GRN: variants seen among roughly 807,000 people sequenced by gnomAD.
GRN encodes progranulin.
GRN carries 30 observed loss-of-function variants against 66.7 expected under a neutral mutation model. The observed-to-expected ratio is 0.45, with a 90% CI of 0.34 to 0.61. The LOEUF is 0.61. Among genes scored for constraint, GRN ranks in the 20% least tolerant of loss-of-function variants. The pLI, the probability that GRN is intolerant of heterozygous loss-of-function variation, is 0.01. For missense variants in GRN, 731 were observed against 803.5 expected (o/e 0.91, Z 1.09); for synonymous variants, 327 against 311.1 (o/e 1.05, Z -0.54).
Position 44,349,058 on chromosome 17 carries a change from TG to T in GRN, c.-7-97del, listed in dbSNP as rs2048346254. 6.7e-6 allele frequency: 9 copies of T among 1,340,222 alleles called. No homozygotes were observed. In the South Asian group the frequency reaches 8.2e-5, roughly 12 times the overall value. The allele number at this position is 1,340,222 out of a possible 1,614,324, so 83.0% of individuals were successfully genotyped here. A position where few individuals can be genotyped will look rare whatever the true frequency, so the allele number is the denominator to read the frequency against. On this transcript the variant is annotated intron_variant, in intron 1 of 12. Coordinates refer to ENST00000053867, the MANE Select transcript of GRN (RefSeq NM_002087.4). ...GGTGTTGAGAAGGCTCAGGCAGTCC[TG>T]GGCCAGGACCTTGGCCTGGGGCTAG...
At chr17:44,350,934 AC>A (rs1168174403) in intron 7 of GRN, 102 bp from the exon 8 acceptor site, 2 of 1,423,960 alleles carry the variant, frequency 1.4e-6, no homozygotes, top group Non-Finnish European at 9.9e-7. Context: ...GGTTCATGCT[AC>A]CCCCTAGTGG....
At position 44,352,947 on chromosome 17, in the gene GRN, G is replaced by C. The variant is rs1304460337; in HGVS notation, c.*149G>C. On this transcript the variant is annotated 3_prime_UTR_variant, in exon 13 of 13. Transcript: ENST00000053867. ...CATGGGAGGTGGGGCCTCAATCTAA[G>C]GCCTTCCCTGTCAGAAGGGGGTTGT... 1 of 761,810 alleles carries C rather than the reference G, an allele frequency of 1.3e-6. No individual in the cohort carries two copies. Among genetic ancestry groups the C allele is most frequent in the Non-Finnish European group, 2.2e-6 (1 of 454,132 alleles). 47.2% of individuals were successfully genotyped at this position (761,810 alleles called of 1,614,324 possible). A position where few individuals can be genotyped will look rare whatever the true frequency, so the allele number is the denominator to read the frequency against.
At chr17:44,350,903 C>T in intron 7 of GRN, 103 bp downstream of exon 7, 1 of 1,404,978 alleles carries the variant, frequency 7.1e-7, no homozygotes, top group Non-Finnish European at 1.0e-6. Context: ...TGGCTGCTTG[C>T]TGGGAGCCTG....
In GRN at chr17:44,351,631, C is replaced by G. The variant is rs769849283; in HGVS notation, c.1015C>G (p.Pro339Ala). Reference sequence around the variant, plus strand: ...GCAGAAGGGTACCTGTGAACAGGGGCCCCACCAGGTGCCCTGGATGGAGAA... The same window carrying G: ...GCAGAAGGGTACCTGTGAACAGGGGGCCCACCAGGTGCCCTGGATGGAGAA... ...DTQKGTCEQGPHQVPWMEKAP... is the reference protein window; with the variant it reads ...DTQKGTCEQGAHQVPWMEKAP... The change falls in exon 10 of 13, where the codon CCC becomes GCC. Residue 339 changes from proline to alanine, a missense_variant. Physicochemically the swap from Pro to Ala is conservative, Grantham distance 27. Around this residue, in one of 3 missense-constraint regions of GRN, gnomAD observed 42 missense variants for 76.6 expected, o/e 0.55. Transcript: ENST00000053867. 1 of 1,613,946 alleles carries G rather than the reference C, an allele frequency of 6.2e-7. No individual in the cohort carries two copies. Among genetic ancestry groups the G allele is most frequent in the African/African-American group, 1.3e-5 (1 of 74,900 alleles).
Position 44,349,765 on chromosome 17 carries a change from G to A in GRN, c.349+14G>A, listed in dbSNP as rs1203544116. On this transcript the variant is annotated intron_variant, in intron 4 of 12. Transcript: ENST00000053867. ...TCCAAAGATCAGGTGCAGCTGGGGT[G>A]TGGGTGCAGGGCAGGCAGACGGGCA... 2 of 1,559,668 alleles carry A rather than the reference G, an allele frequency of 1.3e-6. No homozygotes were observed. Among genetic ancestry groups the A allele is most frequent in the African/African-American group, 1.4e-5 (1 of 73,874 alleles).
chr17:44,351,497 T>C (rs1408900370), intron 9 of GRN, 37 bp downstream of exon 9: 4 of 1,613,102 alleles, frequency 2.5e-6, no homozygotes, highest in Non-Finnish European at 3.4e-6. Flanking sequence ...CTGAGCACAG[T>C]GTGGCAGGCA....
At position 44,349,207 on chromosome 17, in the gene GRN, G is replaced by A; in HGVS notation, c.43G>A (p.Val15Met). ...CTGGGTGGCCTTAACAGCAGGGCTG[G>A]TGGCTGGAACGCGGTGCCCAGATGG... ...VSWVALTAGL[V>M]AGTRCPDGQF... is the part of the protein sequence containing the mutation. Residue 15 changes from valine to methionine, a missense_variant, in exon 2 of 13, where the codon GTG becomes ATG. Physicochemically the swap from Val to Met is conservative, Grantham distance 21. Around this residue, in one of 3 missense-constraint regions of GRN, gnomAD observed 370 missense variants for 379.8 expected, o/e 0.97. Transcript: ENST00000053867. 1 of 1,614,114 alleles carries A rather than the reference G, an allele frequency of 6.2e-7. No individual in the cohort carries two copies. Among genetic ancestry groups the A allele is most frequent in the Non-Finnish European group, 8.5e-7 (1 of 1,179,986 alleles).
At chr17:44,351,986 T>A (rs768711217) in intron 10 of GRN, 29 bp from the exon 11 acceptor site, 1 of 1,577,150 alleles carries the variant, frequency 6.3e-7, no homozygotes, top group South Asian at 1.1e-5. Flanking sequence ...AGTGGCTACC[T>A]ACAACGCCCT....
In GRN at chr17:44,351,543, G is replaced by T; in HGVS notation, c.934-7G>T. 6.2e-7 allele frequency: 1 copy of T among 1,614,018 alleles called. No homozygotes were observed. The highest frequency in any genetic ancestry group is 8.5e-7 in the Non-Finnish European group (1 of 1,179,996). ...AGTGCCCACCTGCCCTTCTTCATCT[G>T]CCCTAGGCTGTGTGCTGTGAGGACC... On this transcript the variant is annotated splice_polypyrimidine_tract_variant and splice_region_variant and intron_variant, in intron 9 of 12. Coordinates refer to ENST00000053867, the MANE Select transcript of GRN (RefSeq NM_002087.4).
At position 44,349,923 on chromosome 17, in the gene GRN, G is replaced by A. The variant is rs370341078; in HGVS notation, c.349+172G>A. 2,336 of 647,264 alleles carry A rather than the reference G, an allele frequency of 3.6e-3. 81 individuals are homozygous for A. In the South Asian group the frequency reaches 0.039, roughly 11 times the overall value. The allele number at this position is 647,264 out of a possible 1,614,324, so 40.1% of individuals were successfully genotyped here. On this transcript the variant is annotated intron_variant, in intron 4 of 12. Transcript: ENST00000053867. ...GACAGAGGGGCAGCACTGGGGATAGGAGGGTGCGGGAGAAAGTGCAAGACT... is the reference window on the plus strand; with the variant it reads ...GACAGAGGGGCAGCACTGGGGATAGAAGGGTGCGGGAGAAAGTGCAAGACT...
At chr17:44,348,903 A>G (rs879300924) in intron 1 of GRN, among the ~76,000 whole-genome samples, 1 of 152,256 alleles carries the variant, frequency 6.6e-6, no homozygotes, top group Non-Finnish European at 1.5e-5. Context: ...CTGGGGACTC[A>G]GACCCACACA....
In GRN at chr17:44,350,884, G is replaced by C. The variant is rs1324855850; in HGVS notation, c.708+84G>C. 2.8e-6 allele frequency: 4 copies of C among 1,404,446 alleles called. No individual in the cohort carries two copies. The African/African-American group carries it at 5.6e-5, about 20-fold the overall frequency. 87.0% of individuals were successfully genotyped at this position (1,404,446 alleles called of 1,614,324 possible). On this transcript the variant is annotated intron_variant, in intron 7 of 12. Coordinates refer to ENST00000053867, the MANE Select transcript of GRN (RefSeq NM_002087.4). The stretch of plus-strand genomic sequence containing the variant: ...GCACCTTACAGGGGCTCTGTGGCAT[G>C]GGGCTGGCTGGCTGCTTGCTGGGAG...
chr17:44,349,249 G>A lies in GRN; in HGVS notation c.85G>A (p.Ala29Thr). 6.2e-7 allele frequency: 1 copy of A among 1,613,890 alleles called. No homozygotes were observed. The highest frequency in any genetic ancestry group is 2.2e-5 in the East Asian group (1 of 44,902). The change falls in exon 2 of 13, where the codon GCC becomes ACC. Residue 29 changes from alanine to threonine, a missense_variant. By Grantham distance (58) the Ala-to-Thr change is moderately conservative (BLOSUM62 0). Around this residue, in one of 3 missense-constraint regions of GRN, gnomAD observed 370 missense variants for 379.8 expected, o/e 0.97. Transcript: ENST00000053867. ...CCCAGATGGTCAGTTCTGCCCTGTG[G>A]CCTGCTGCCTGGACCCCGGAGGAGC... ...RCPDGQFCPV[A>T]CCLDPGGASY... is the part of the protein sequence containing the mutation.
chr17:44,350,512 G>T lies in GRN; in HGVS notation c.533G>T (p.Cys178Phe). 1.2e-6 allele frequency: 2 copies of T among 1,614,028 alleles called. No individual in the cohort carries two copies. The highest frequency in any genetic ancestry group is 1.7e-6 in the Non-Finnish European group (2 of 1,179,962). Residue 178 changes from cysteine (C) to phenylalanine (F), a missense_variant, in exon 6 of 13, where the codon TGC becomes TTC. Coordinates refer to ENST00000053867, the MANE Select transcript of GRN (RefSeq NM_002087.4). ...TTCTGCGACCTGGTTCACACCCGCT[G>T]CATCACACCCACGGGCACCCACCCC... Reference protein sequence around the residue: ...GAFCDLVHTRCITPTGTHPLA... With the variant: ...GAFCDLVHTRFITPTGTHPLA...
chr17:44,350,110 G>A, intron 4 of GRN, 118 bp from the exon 5 acceptor site: 3 of 796,396 alleles, frequency 3.8e-6, no homozygotes, highest in Non-Finnish European at 6.8e-6. Context: ...GAGCCTTAGT[G>A]TCACCCTCAA....
rs1022325031 is a variant in GRN, at chr17:44,347,949, G to T, written c.-7-1209G>T. Among the ~76,000 whole-genome samples the T allele has an allele frequency of 5.8e-5, 8 of 138,016 alleles. No individual in the cohort carries two copies. In the Admixed American group the frequency reaches 5.9e-4, roughly 10 times the overall value. The allele number at this position is 138,016 out of a possible 152,430, so 90.5% of individuals were successfully genotyped here. A position where few individuals can be genotyped will look rare whatever the true frequency, so the allele number is the denominator to read the frequency against. On this transcript the variant is annotated intron_variant, in intron 1 of 12. Transcript: ENST00000053867. Reference sequence around the variant, plus strand: ...TCTCAAAAAAAAAAAAAAAAAGGGGGTGAGCAGACGTGGTGGCACGCTCCC... The same window carrying T: ...TCTCAAAAAAAAAAAAAAAAAGGGGTTGAGCAGACGTGGTGGCACGCTCCC...
At position 44,352,101 on chromosome 17, in the gene GRN, C is replaced by A. The variant is rs369538000; in HGVS notation, c.1266C>A (p.Ile422=). The change falls in exon 11 of 13, where the codon ATC becomes ATA. Residue 422 remains isoleucine (I), a synonymous_variant. Transcript: ENST00000053867. ...GGCAGTGTCAGCGAGGAAGCGAGATCGTGGCTGGACTGGAGAAGATGCCTG... is the reference window on the plus strand; with the variant it reads ...GGCAGTGTCAGCGAGGAAGCGAGATAGTGGCTGGACTGGAGAAGATGCCTG... ...AEGQCQRGSE[I]VAGLEKMPAR... The A allele has an allele frequency of 1.9e-6, 3 of 1,613,888 alleles. No individual in the cohort carries two copies. Among genetic ancestry groups the A allele is most frequent in the Admixed American group, 1.7e-5 (1 of 60,018 alleles).
chr17:44,350,876 T>C (rs1056904706), intron 7 of GRN, 76 bp downstream of exon 7: 5 of 1,409,820 alleles, frequency 3.5e-6, no homozygotes, highest in Non-Finnish European at 5.0e-6. Flanking sequence ...ACAGGGGCTC[T>C]GTGGCATGGG....
Position 44,351,622 on chromosome 17 carries a change from G to GA in GRN, c.1008dup (p.Gln337ThrfsTer31). ...GTGTGACACGCAGAAGGGTACCTGTGAACAGGGGCCCCACCAGGTGCCCTG... is the reference window on the plus strand; with the variant it reads ...GTGTGACACGCAGAAGGGTACCTGTGAAACAGGGGCCCCACCAGGTGCCCTG... On this transcript the variant is annotated frameshift_variant, in exon 10 of 13. Coordinates refer to ENST00000053867, the MANE Select transcript of GRN (RefSeq NM_002087.4). LOFTEE classifies it high-confidence loss of function. 6.2e-7 allele frequency: 1 copy of GA among 1,614,084 alleles called. No individual in the cohort carries two copies. The highest frequency in any genetic ancestry group is 8.5e-7 in the Non-Finnish European group (1 of 1,179,976).
Sources: gnomAD v4.1 joint callset for allele counts (sites outside exome capture counted in the v4.1 genomes callset) on GRCh38, gnomAD v4.1.1 for gene constraint, gnomAD v4.1.1 regional missense constraint, MANE v1.5 for transcripts, NCBI Gene and HGNC (gene_info 2026-07-23, HGNC 2026-07-21) for gene names.